The following HLF variants were observed in gnomAD, a reference collection of about 807,000 sequenced individuals.
HLF encodes HLF transcription factor, PAR bZIP family member, also known as hepatic leukemia factor.
In HLF, 3 loss-of-function variants were observed where a neutral mutation model predicts 22.6. The observed-to-expected ratio is 0.13, with a 90% CI of 0.06 to 0.34. The LOEUF is 0.34. Among genes scored for constraint, HLF ranks in the 10% least tolerant of loss-of-function variants. The pLI is 1.00. For missense variants in HLF, 299 were observed against 389.2 expected (o/e 0.77, Z 1.95); for synonymous variants, 151 against 151.8 (o/e 0.99, Z 0.04).
At chr17:55,302,027 T>C (rs557022715) in intron 2 of HLF, among the ~76,000 whole-genome samples, 7 of 152,346 alleles carry the variant, frequency 4.6e-5, no homozygotes, top group African/African-American at 1.4e-4. Context: ...TTCCCATAAC[T>C]GATGGGGTCT....
At chr17:55,295,124 G>T (rs1300516463) in intron 2 of HLF, among the ~76,000 whole-genome samples, 1 of 152,180 alleles carries the variant, frequency 6.6e-6, no homozygotes, top group South Asian at 2.1e-4. Flanking sequence ...AATGGAGTGT[G>T]GTAGATAGCA....
chr17:55,315,979 C>A (rs1483903690), intron 3 of HLF, among the ~76,000 whole-genome samples: 1 of 152,142 alleles, frequency 6.6e-6, no homozygotes, highest in East Asian at 1.9e-4. Flanking sequence ...ACTGGTAGTT[C>A]CCTGACACCA....
At position 55,320,647 on chromosome 17, in the gene HLF, C is replaced by T; in HGVS notation, c.673-17C>T. The stretch of plus-strand genomic sequence containing the variant: ...CTAATATCTTGTTTCTTTTTCCCTT[C>T]TGTAACTAATGAGCAGGATGACAAG... On this transcript the variant is annotated splice_polypyrimidine_tract_variant and intron_variant, in intron 3 of 3. Transcript: ENST00000226067. The surrounding 1 kb of genome is among the most constrained non-coding windows in gnomAD (Gnocchi z 4.2). 1 of 1,610,262 alleles carries T rather than the reference C, an allele frequency of 6.2e-7. No individual in the cohort carries two copies. The highest frequency in any genetic ancestry group is 2.2e-5 in the East Asian group (1 of 44,788).
chr17:55,306,656 T>TA (rs1402909754), intron 2 of HLF, among the ~76,000 whole-genome samples: 1 of 151,996 alleles, frequency 6.6e-6, no homozygotes, highest in Admixed American at 6.6e-5. Context: ...ACATTTAAAA[T>TA]ATGTCAGAGC....
At chr17:55,297,583 C>T (rs527248241) in intron 2 of HLF, among the ~76,000 whole-genome samples, 2 of 151,772 alleles carry the variant, frequency 1.3e-5, no homozygotes, top group Admixed American at 6.6e-5. Context: ...TTTCCCAGCC[C>T]TCATTTCTTT....
rs1036262938 is a variant in HLF, at chr17:55,321,061, G to A, written c.*182G>A. On this transcript the variant is annotated 3_prime_UTR_variant, in exon 4 of 4. Coordinates refer to ENST00000226067, the MANE Select transcript of HLF (RefSeq NM_002126.5). Reference sequence around the variant, plus strand: ...TATATGTGCTTGTGCTCATGTGTGTGGTCAGCGGTATGTGCGTGTGCGTGT... The same window carrying A: ...TATATGTGCTTGTGCTCATGTGTGTAGTCAGCGGTATGTGCGTGTGCGTGT... 1.2e-5 allele frequency: 7 copies of A among 590,446 alleles called. No homozygotes were observed. The highest frequency in any genetic ancestry group is 2.1e-5 in the Non-Finnish European group (7 of 328,018). The allele number at this position is 590,446 out of a possible 1,614,324, so 36.6% of individuals were successfully genotyped here.
At chr17:55,295,973 C>G (rs1011487250) in intron 2 of HLF, among the ~76,000 whole-genome samples, 6 of 152,150 alleles carry the variant, frequency 3.9e-5, no homozygotes, top group African/African-American at 1.2e-4. Context: ...CATATGGCAT[C>G]TGTGTGTCTA....
chr17:55,270,560 A>G (rs925054490), intron 2 of HLF, among the ~76,000 whole-genome samples: 4 of 152,222 alleles, frequency 2.6e-5, no homozygotes, highest in Non-Finnish European at 4.4e-5. Context: ...TCAGAAGGGA[A>G]GAGCACAGAT....
chr17:55,296,428 C>A (rs2081112155), intron 2 of HLF, among the ~76,000 whole-genome samples: 1 of 151,940 alleles, frequency 6.6e-6, no homozygotes, highest in African/African-American at 2.4e-5. Flanking sequence ...CAGACGTTCC[C>A]TTTGTGTTTA....
chr17:55,298,718 G>A (rs1404810903), intron 2 of HLF, among the ~76,000 whole-genome samples: 1 of 152,188 alleles, frequency 6.6e-6, no homozygotes, highest in Admixed American at 6.5e-5. Flanking sequence ...TACCAACATG[G>A]AGGTGGAAAG....
rs150210462 is a variant in HLF at position 55,268,944 on chromosome 17, T to A, written c.451+858T>A. On this transcript the variant is annotated intron_variant, in intron 2 of 3. Coordinates refer to ENST00000226067, the MANE Select transcript of HLF (RefSeq NM_002126.5). ...AATTCATGCCTTTAGCACCCTGTAG[T>A]ACCAAATGAACAGGAAGAAAGACGA... Among the ~76,000 whole-genome samples the A allele has an allele frequency of 2.0e-5, 3 of 152,256 alleles. No homozygotes were observed. The East Asian group carries it at 5.8e-4, about 29-fold the overall frequency.
intron 2 of HLF, among the ~76,000 whole-genome samples, chr17:55,313,891 TC>T (rs1344670033): frequency 6.6e-6 from 1 of 152,066 alleles, no homozygotes; most frequent in East Asian, 1.9e-4. Flanking sequence ...TTTTGCAAAC[TC>T]CCCACCAGGC....
chr17:55,318,098 C>T (rs953810451), intron 3 of HLF, among the ~76,000 whole-genome samples: 3 of 150,902 alleles, frequency 2.0e-5, no homozygotes, highest in South Asian at 4.2e-4. Context: ...TTGGGTGGGG[C>T]GGGGCTAAGT....
At chr17:55,276,590 A>G (rs1398541290) in intron 2 of HLF, among the ~76,000 whole-genome samples, 1 of 152,174 alleles carries the variant, frequency 6.6e-6, no homozygotes, top group Non-Finnish European at 1.5e-5. Flanking sequence ...ATGCCCCACA[A>G]AGTTATAGAG....
chr17:55,265,832 C>T, intron 1 of HLF: 1 of 1,276,294 alleles, frequency 7.8e-7, no homozygotes, highest in Non-Finnish European at 9.9e-7. Context: ...GCTTCGGGCA[C>T]CCGGCCTCCC....
Position 55,265,344 on chromosome 17 carries a change from A to AT in HLF, c.-134dup. On this transcript the variant is annotated 5_prime_UTR_variant, in exon 1 of 4. Transcript: ENST00000226067. Reference sequence around the variant, plus strand: ...AGATGTATTTATAAAGATATAAGTAATTTTTTTCTTCCCTTTTCTCCACCG... The same window carrying AT: ...AGATGTATTTATAAAGATATAAGTAATTTTTTTTCTTCCCTTTTCTCCACCG... 3.3e-6 allele frequency: 2 copies of AT among 606,496 alleles called. No homozygotes were observed. The highest frequency in any genetic ancestry group is 5.8e-6 in the Non-Finnish European group (2 of 344,852). 37.6% of individuals were successfully genotyped at this position (606,496 alleles called of 1,614,324 possible). A position where few individuals can be genotyped will look rare whatever the true frequency, so the allele number is the denominator to read the frequency against.
chr17:55,280,364 C>G (rs1003752347), intron 2 of HLF, among the ~76,000 whole-genome samples: 2 of 152,300 alleles, frequency 1.3e-5, no homozygotes, highest in East Asian at 3.9e-4. Flanking sequence ...TCCTATCACC[C>G]TAGCATGTCA....
At chr17:55,269,461 G>A (rs1007472483) in intron 2 of HLF, among the ~76,000 whole-genome samples, 1 of 152,168 alleles carries the variant, frequency 6.6e-6, no homozygotes, top group African/African-American at 2.4e-5. Context: ...CCTTCAAAGT[G>A]GGAAAACAGC....
chr17:55,295,888 C>T (rs765712763), intron 2 of HLF, among the ~76,000 whole-genome samples: 5 of 152,174 alleles, frequency 3.3e-5, no homozygotes, highest in Non-Finnish European at 5.9e-5. Context: ...AGTGTTAACT[C>T]CTTTCAGGTC....
Sources: gnomAD v4.1 joint callset for allele counts (sites outside exome capture counted in the v4.1 genomes callset) on GRCh38, gnomAD v4.1.1 for gene constraint, Gnocchi (gnomAD v3.1) non-coding constraint, MANE v1.5 for transcripts, NCBI Gene and HGNC (gene_info 2026-07-23, HGNC 2026-07-21) for gene names.